The following SEC61A2 variants were observed in gnomAD, a reference collection of about 807,000 sequenced individuals.
The protein encoded by SEC61A2 is protein transport protein Sec61 subunit alpha isoform 2.
A neutral mutation model predicts 59.9 loss-of-function variants in SEC61A2; 28 were observed. That is an observed-to-expected ratio of 0.47 (90% CI 0.35 to 0.64). SEC61A2 has a LOEUF of 0.64. Among genes scored for constraint, SEC61A2 ranks in the 30% least tolerant of loss-of-function variants. The pLI is 0.01. For missense variants in SEC61A2, 340 were observed against 585.9 expected (o/e 0.58, Z 4.33); for synonymous variants, 202 against 214.4 (o/e 0.94, Z 0.50).
chr10:12,130,159 G>A (rs1018082458), intron 1 of SEC61A2, among the ~76,000 whole-genome samples: 1 of 152,104 alleles, frequency 6.6e-6, no homozygotes, highest in Admixed American at 6.6e-5. Context: ...TCTTTCCTTG[G>A]CATGTTGCAT....
At chr10:12,136,038 C>A in intron 2 of SEC61A2, 67 bp from the exon 3 acceptor site, 1 of 1,000,936 alleles carries the variant, frequency 1.0e-6, no homozygotes, top group Non-Finnish European at 1.6e-6. Flanking sequence ...CCTCAAAACT[C>A]TGCTGCCCCC....
chr10:12,156,752 G>A lies in SEC61A2; in HGVS notation c.617-155G>A, dbSNP rs1834404526. Among the ~76,000 whole-genome samples, 1 of 152,216 alleles carries A rather than the reference G, an allele frequency of 6.6e-6. No individual in the cohort carries two copies. The highest frequency in any genetic ancestry group is 2.1e-4 in the South Asian group (1 of 4,836). On this transcript the variant is annotated intron_variant, in intron 7 of 11. Transcript: ENST00000298428. The surrounding 1 kb of genome is among the most constrained non-coding windows in gnomAD (Gnocchi z 5.2). ...TGCCTCAATGATCTAAATATTTGTA[G>A]AACCTGCTCACATGGCTATATCATA...
chr10:12,129,707 G>T lies in SEC61A2; in HGVS notation c.-81G>T. On this transcript the variant is annotated 5_prime_UTR_variant, in exon 1 of 12. Transcript: ENST00000298428. This position sits in a 1 kb window ranked among gnomAD's most constrained non-coding sequence, Gnocchi z 5.6. ...GCCGGTAGGATCGCGTCGGGAGCCG[G>T]TACCGAGGCCCGAGCCGCGGGAGTC... 1 of 1,366,592 alleles carries T rather than the reference G, an allele frequency of 7.3e-7. No homozygotes were observed. Among genetic ancestry groups the T allele is most frequent in the Non-Finnish European group, 9.8e-7 (1 of 1,019,202 alleles). 84.7% of individuals were successfully genotyped at this position (1,366,592 alleles called of 1,614,324 possible). A position where few individuals can be genotyped will look rare whatever the true frequency, so the allele number is the denominator to read the frequency against.
At position 12,142,516 on chromosome 10, in the gene SEC61A2, G is replaced by C. The variant is rs373129145; in HGVS notation, c.142-601G>C. ...GTCTTACATTGAGAAGAGTGACCTT[G>C]GCTGTCTTTAGTATATAGAGCTTTG... On this transcript the variant is annotated intron_variant, in intron 3 of 11. Transcript: ENST00000298428. This position sits in a 1 kb window ranked among gnomAD's most constrained non-coding sequence, Gnocchi z 5.4. 173 of 983,370 alleles carry C rather than the reference G, an allele frequency of 1.8e-4. No individual in the cohort carries two copies. In the African/African-American group the frequency reaches 2.7e-3, roughly 15 times the overall value. 60.9% of individuals were successfully genotyped at this position (983,370 alleles called of 1,614,324 possible). A position where few individuals can be genotyped will look rare whatever the true frequency, so the allele number is the denominator to read the frequency against.
In SEC61A2 at chr10:12,154,527, T is replaced by C. The variant is rs948502996; in HGVS notation, c.463-1251T>C. 1.3e-5 allele frequency among the ~76,000 whole-genome samples: 2 copies of C among 152,204 alleles called. No homozygotes were observed. The highest frequency in any genetic ancestry group is 1.3e-4 in the Admixed American group (2 of 15,270). On this transcript the variant is annotated intron_variant, in intron 6 of 11. Transcript: ENST00000298428. The surrounding 1 kb of genome is among the most constrained non-coding windows in gnomAD (Gnocchi z 5.2). ...CTGTTCACTAATTACATGATTGTGG[T>C]TAAATAGAATCGGTAGTAAGTCCTA...
intron 4 of SEC61A2, among the ~76,000 whole-genome samples, chr10:12,144,014 A>G (rs2131660273): frequency 6.6e-6 from 1 of 152,194 alleles, no homozygotes; most frequent in South Asian, 2.1e-4. Context: ...GTAGTTTTGT[A>G]GAGGTGAGGT....
At chr10:12,132,201 T>C (rs1212017782) in intron 1 of SEC61A2, among the ~76,000 whole-genome samples, 2 of 151,672 alleles carry the variant, frequency 1.3e-5, no homozygotes, top group African/African-American at 4.8e-5. Context: ...TATACGAGGC[T>C]GAGGCAGGAG....
chr10:12,135,981 A>T, intron 2 of SEC61A2, 124 bp from the exon 3 acceptor site: 1 of 698,962 alleles, frequency 1.4e-6, no homozygotes, highest in Non-Finnish European at 2.6e-6. Context: ...CCTTTATAAC[A>T]CATAACGGAC....
In SEC61A2 at chr10:12,155,431, G is replaced by T; in HGVS notation, c.463-347G>T. 7.7e-7 allele frequency: 1 copy of T among 1,294,046 alleles called. No individual in the cohort carries two copies. Among genetic ancestry groups the T allele is most frequent in the Non-Finnish European group, 1.1e-6 (1 of 951,030 alleles). 80.2% of individuals were successfully genotyped at this position (1,294,046 alleles called of 1,614,324 possible). On this transcript the variant is annotated intron_variant, in intron 6 of 11. Transcript: ENST00000298428. The surrounding 1 kb of genome is among the most constrained non-coding windows in gnomAD (Gnocchi z 4.3). ...GTATTTGGGATGTTTTCAGTTTCTT[G>T]CTGTCATAAATTCTAGAATACTGTG...
At chr10:12,146,317 C>T (rs1379872726) in intron 4 of SEC61A2, among the ~76,000 whole-genome samples, 1 of 151,926 alleles carries the variant, frequency 6.6e-6, no homozygotes, top group Non-Finnish European at 1.5e-5. Context: ...TGTGCCTGGC[C>T]CCAGATTATT....
At chr10:12,167,304 A>G (rs1834726110), downstream of SEC61A2, 3 of 173,338 alleles carry the variant, frequency 1.7e-5, no homozygotes, top group Admixed American at 1.7e-4. Flanking sequence ...GTACATGGTT[A>G]TTTGCATACC....
At chr10:12,163,505 A>C (rs1197351879) in intron 11 of SEC61A2, among the ~76,000 whole-genome samples, 1 of 151,530 alleles carries the variant, frequency 6.6e-6, no homozygotes, top group Non-Finnish European at 1.5e-5. Context: ...TTGTATTTTT[A>C]GTAGAGATGG....
rs987300893 is a variant in SEC61A2, at chr10:12,135,983, A to C, written c.76-122A>C. On this transcript the variant is annotated intron_variant, in intron 2 of 11. Coordinates refer to ENST00000298428, the MANE Select transcript of SEC61A2 (RefSeq NM_018144.4). ...AACAAAAATGCTTCCTTTATAACAC[A>C]TAACGGACATTCCCAATTTCTGTGA... 11 of 712,354 alleles carry C rather than the reference A, an allele frequency of 1.5e-5. No homozygotes were observed. The African/African-American group carries it at 2.0e-4, about 13-fold the overall frequency. 44.1% of individuals were successfully genotyped at this position (712,354 alleles called of 1,614,324 possible). A position where few individuals can be genotyped will look rare whatever the true frequency, so the allele number is the denominator to read the frequency against.
Position 12,145,613 on chromosome 10 carries a change from A to G in SEC61A2, c.220+2418A>G, listed in dbSNP as rs559375694. ...ACATTTGTATTTCTTCTATAAGTGG[A>G]GTTTTATTAGTGTGTTAGATTCCTT... is the stretch of plus-strand genomic sequence containing the variant. On this transcript the variant is annotated intron_variant, in intron 4 of 11. Coordinates refer to ENST00000298428, the MANE Select transcript of SEC61A2 (RefSeq NM_018144.4). The surrounding 1 kb of genome is among the most constrained non-coding windows in gnomAD (Gnocchi z 4.4). 6.6e-6 allele frequency among the ~76,000 whole-genome samples: 1 copy of G among 152,204 alleles called. No individual in the cohort carries two copies. The highest frequency in any genetic ancestry group is 1.9e-4 in the East Asian group (1 of 5,188).
rs151136946 is a variant in SEC61A2 at position 12,161,777 on chromosome 10, A to T, written c.1168-436A>T. ...ATAAATAGATAAATAAAAAATTTTT[A>T]AAAAAGTAAAATAAAACTTTGTTTT... On this transcript the variant is annotated intron_variant, in intron 10 of 11. Transcript: ENST00000298428. The surrounding 1 kb of genome is among the most constrained non-coding windows in gnomAD (Gnocchi z 5.4). 1.1e-3 allele frequency among the ~76,000 whole-genome samples: 169 copies of T among 152,288 alleles called. No homozygotes were observed. Among genetic ancestry groups the T allele is most frequent in the East Asian group, 5.0e-3 (26 of 5,188 alleles).
Position 12,156,517 on chromosome 10 carries a change from C to T in SEC61A2, c.617-390C>T, listed in dbSNP as rs149594250. Among the ~76,000 whole-genome samples the T allele has an allele frequency of 9.2e-5, 14 of 152,284 alleles. No homozygotes were observed. In the East Asian group the frequency reaches 1.7e-3, roughly 19 times the overall value. On this transcript the variant is annotated intron_variant, in intron 7 of 11. Coordinates refer to ENST00000298428, the MANE Select transcript of SEC61A2 (RefSeq NM_018144.4). The surrounding 1 kb of genome is among the most constrained non-coding windows in gnomAD (Gnocchi z 5.2). Reference sequence around the variant, plus strand: ...GGTGCGGTAAACTTCGAGGCAGGCTCGATAGAGTGACATCTGTCTCTTATT... The same window carrying T: ...GGTGCGGTAAACTTCGAGGCAGGCTTGATAGAGTGACATCTGTCTCTTATT...
At position 12,158,953 on chromosome 10, in the gene SEC61A2, T is replaced by C. The variant is rs1022088283; in HGVS notation, c.975+848T>C. 6.6e-6 allele frequency among the ~76,000 whole-genome samples: 1 copy of C among 151,746 alleles called. No individual in the cohort carries two copies. The highest frequency in any genetic ancestry group is 2.4e-5 in the African/African-American group (1 of 41,304). On this transcript the variant is annotated intron_variant, in intron 9 of 11. Transcript: ENST00000298428. The surrounding 1 kb of genome is among the most constrained non-coding windows in gnomAD (Gnocchi z 5.7). ...AGTAATATAATCCTATACATTCTCA[T>C]ATACATCCCCCATCATAATTTTTTT...
intron 6 of SEC61A2, among the ~76,000 whole-genome samples, chr10:12,150,318 C>T (rs9329337): frequency 0.41 from 62,108 of 152,134 alleles, 12,729 homozygotes; most frequent in East Asian, 0.53. Context: ...CTTCCACTTG[C>T]GGTCTGCCAG....
At chr10:12,148,928 T>A (rs1320741984) in intron 4 of SEC61A2, among the ~76,000 whole-genome samples, 2 of 152,206 alleles carry the variant, frequency 1.3e-5, no homozygotes, top group South Asian at 2.1e-4. Context: ...TGGACTATTT[T>A]CTCATATGAA....
Sources: allele counts gnomAD v4.1 joint callset (sites outside exome capture counted in the v4.1 genomes callset), GRCh38; gene constraint gnomAD v4.1.1; non-coding constraint Gnocchi (gnomAD v3.1); transcripts MANE v1.5; gene names NCBI Gene and HGNC (gene_info 2026-07-23, HGNC 2026-07-21).